Variants in OR10A3 observed in about 807,000 individuals in gnomAD.
OR10A3 encodes olfactory receptor 10A3.
OR10A3 carries 1 observed loss-of-function variant against 1.5 expected under a neutral mutation model. That is an observed-to-expected ratio of 0.66 (90% CI 0.23 to 3.11). The LOEUF (loss-of-function observed/expected upper bound fraction) is 3.11, where lower values mean the gene tolerates loss of function less well. Among genes scored for constraint, OR10A3 ranks in the 30% most tolerant of loss-of-function variants. The pLI is 0.21. For synonymous variants in OR10A3, 145 were observed against 143.7 expected (o/e 1.01, Z -0.06); for missense variants, 398 against 369.7 (o/e 1.08, Z -0.63).
At position 7,939,448 on chromosome 11, in the gene OR10A3, C is replaced by T. The variant is rs539222840; in HGVS notation, c.73G>A (p.Val25Met). 1.6e-5 allele frequency: 26 copies of T among 1,603,240 alleles called. No homozygotes were observed. Among genetic ancestry groups the T allele is most frequent in the Non-Finnish European group, 1.8e-5 (21 of 1,177,468 alleles). The change falls in exon 2 of 2, where the codon GTG becomes ATG. Residue 25 changes from valine to methionine, a missense_variant. Transcript: ENST00000642047. ...LGFSNFPELQ[V>M]QLFGVFLVIY... The stretch of plus-strand genomic sequence containing the variant: ...ACTAGGAAAACCCCAAAGAGCTGCA[C>T]CTGGAGCTCAGGAAAGTTAGAAAAG...
rs1441020252 is a variant in OR10A3 at position 7,937,494 on chromosome 11, C to G, written c.*1082G>C. 2 of 152,164 alleles carry G rather than the reference C, an allele frequency of 1.3e-5. No individual in the cohort carries two copies. Among genetic ancestry groups the G allele is most frequent in the Non-Finnish European group, 2.9e-5 (2 of 68,022 alleles). The allele number at this position is 152,164 out of a possible 1,614,324, so 9.4% of individuals were successfully genotyped here. ...GTTCCAAGATTTTACTTTCCTGTCACAGACTACAAAAGGAAACTTCATAAA... is the reference window on the plus strand; with the variant it reads ...GTTCCAAGATTTTACTTTCCTGTCAGAGACTACAAAAGGAAACTTCATAAA... On this transcript the variant is annotated 3_prime_UTR_variant, in exon 2 of 2. Coordinates refer to ENST00000642047, the MANE Select transcript of OR10A3 (RefSeq NM_001003745.2).
chr11:7,939,682 G>A lies in OR10A3; in HGVS notation c.-162C>T. 1.9e-6 allele frequency: 1 copy of A among 535,836 alleles called. No individual in the cohort carries two copies. Among genetic ancestry groups the A allele is most frequent in the Non-Finnish European group, 3.2e-6 (1 of 308,114 alleles). 33.2% of individuals were successfully genotyped at this position (535,836 alleles called of 1,614,324 possible). On this transcript the variant is annotated 5_prime_UTR_variant, in exon 2 of 2. Transcript: ENST00000642047. ...TTGGCACTTTTGAAGAATGGCCAAT[G>A]ACTTGTAATAGTGAATCTTTAAAAT...
rs992143099 is a variant in OR10A3 at position 7,937,259 on chromosome 11, C to T, written c.*1317G>A. ...TAATATACACAAATTATAATGACAC[C>T]CCTTCATTTAGCAGAATATGTATAT... is the stretch of plus-strand genomic sequence containing the variant. On this transcript the variant is annotated 3_prime_UTR_variant, in exon 2 of 2. Transcript: ENST00000642047. 3 of 152,032 alleles carry T rather than the reference C, an allele frequency of 2.0e-5. No homozygotes were observed. Among genetic ancestry groups the T allele is most frequent in the Admixed American group, 2.0e-4 (3 of 15,256 alleles). 9.4% of individuals were successfully genotyped at this position (152,032 alleles called of 1,614,324 possible). A position where few individuals can be genotyped will look rare whatever the true frequency, so the allele number is the denominator to read the frequency against.
chr11:7,938,809 A>C lies in OR10A3; in HGVS notation c.712T>G (p.Phe238Val), dbSNP rs570199493. 8.7e-6 allele frequency: 14 copies of C among 1,614,176 alleles called. No individual in the cohort carries two copies. Among genetic ancestry groups the C allele is most frequent in the Middle Eastern group, 1.6e-4 (1 of 6,062 alleles). Residue 238 changes from phenylalanine to valine, a missense_variant, in exon 2 of 2, where the codon TTT becomes GTT. Transcript: ENST00000642047. ...GTGAGGTGAGAGGCACAGGTGGAAA[A>C]GGCCTTTTGTCTCCCAGTAGTTGAT... ...MPSTTGRQKA[F>V]STCASHLTSV...
Position 7,937,177 on chromosome 11 carries a change from A to G in OR10A3, c.*1399T>C, listed in dbSNP as rs559171872. 6.6e-6 allele frequency: 1 copy of G among 152,330 alleles called. No individual in the cohort carries two copies. The highest frequency in any genetic ancestry group is 2.1e-4 in the South Asian group (1 of 4,818). 9.4% of individuals were successfully genotyped at this position (152,330 alleles called of 1,614,324 possible). On this transcript the variant is annotated 3_prime_UTR_variant, in exon 2 of 2. Transcript: ENST00000642047. ...GTAGGGATTTGTTTAACAATTATAA[A>G]CCTAAAACCAGTTTAAATAGACACA... is the stretch of plus-strand genomic sequence containing the variant.
chr11:7,937,622 A>C lies in OR10A3; in HGVS notation c.*954T>G, dbSNP rs1487841565. The stretch of plus-strand genomic sequence containing the variant: ...CTCTCTGGTCACCAACATTGGATAA[A>C]TATTTGGAAAGATACCAAGAGAAAT... On this transcript the variant is annotated 3_prime_UTR_variant, in exon 2 of 2. Transcript: ENST00000642047. 6.6e-6 allele frequency: 1 copy of C among 152,222 alleles called. No homozygotes were observed. The allele number at this position is 152,222 out of a possible 1,614,324, so 9.4% of individuals were successfully genotyped here. A position where few individuals can be genotyped will look rare whatever the true frequency, so the allele number is the denominator to read the frequency against.
chr11:7,939,608 A>C lies in OR10A3; in HGVS notation c.-88T>G. 1 of 1,016,692 alleles carries C rather than the reference A, an allele frequency of 9.8e-7. No homozygotes were observed. The highest frequency in any genetic ancestry group is 2.0e-5 in the South Asian group (1 of 50,572). The allele number at this position is 1,016,692 out of a possible 1,614,324, so 63.0% of individuals were successfully genotyped here. The stretch of plus-strand genomic sequence containing the variant: ...CCATAGCTGTGAGTTCAAGTCTGGA[A>C]TTCTTGACAGCAGATGTAATGACAA... On this transcript the variant is annotated 5_prime_UTR_variant, in exon 2 of 2. Coordinates refer to ENST00000642047, the MANE Select transcript of OR10A3 (RefSeq NM_001003745.2).
rs761679596 is a variant in OR10A3, at chr11:7,938,828, A to G, written c.693T>C (p.Thr231=). The G allele has an allele frequency of 8.7e-6, 14 of 1,614,094 alleles. No individual in the cohort carries two copies. Among genetic ancestry groups the G allele is most frequent in the Admixed American group, 3.3e-5 (2 of 60,010 alleles). The change falls in exon 2 of 2, where the codon ACT becomes ACC. Residue 231 remains threonine (T), a synonymous_variant. Transcript: ENST00000642047. ...TGGAAAAGGCCTTTTGTCTCCCAGT[A>G]GTTGATGGCATCTTCAGGATGGCAA... ...VLFAILKMPS[T]TGRQKAFSTC...
intron 1 of OR10A3, among the ~76,000 whole-genome samples, chr11:7,940,421 C>T (rs1227257742): frequency 1.3e-5 from 2 of 152,124 alleles, no homozygotes; most frequent in East Asian, 3.9e-4. Flanking sequence ...GTCCTCCTGG[C>T]CTCACGAGTC....
rs886404689 is a variant in OR10A3 at position 7,938,524 on chromosome 11, A to T, written c.*52T>A. 10 of 1,349,068 alleles carry T rather than the reference A, an allele frequency of 7.4e-6. No homozygotes were observed. The highest frequency in any genetic ancestry group is 9.2e-6 in the Non-Finnish European group (9 of 979,558). 83.6% of individuals were successfully genotyped at this position (1,349,068 alleles called of 1,614,324 possible). A position where few individuals can be genotyped will look rare whatever the true frequency, so the allele number is the denominator to read the frequency against. ...TCTGTTTTCACCCTTTATTAAATTT[A>T]AATAGAGTTCACTCAGGCAGTGGCC... On this transcript the variant is annotated 3_prime_UTR_variant, in exon 2 of 2. Coordinates refer to ENST00000642047, the MANE Select transcript of OR10A3 (RefSeq NM_001003745.2).
At position 7,939,129 on chromosome 11, in the gene OR10A3, T is replaced by C; in HGVS notation, c.392A>G (p.Asn131Ser). ...DRFAAICHPL[N>S]YPVIMNRGVF... ...CCCTCTGTTCATAATCACTGGGTAG[T>C]TCAGAGGATGGCAAATTGCAGCAAA... The change falls in exon 2 of 2, where the codon AAC becomes AGC. Residue 131 changes from asparagine (N) to serine (S), a missense_variant. Physicochemically the swap from Asn to Ser is conservative, Grantham distance 46. Coordinates refer to ENST00000642047, the MANE Select transcript of OR10A3 (RefSeq NM_001003745.2). 1 of 1,614,154 alleles carries C rather than the reference T, an allele frequency of 6.2e-7. No individual in the cohort carries two copies. The highest frequency in any genetic ancestry group is 8.5e-7 in the Non-Finnish European group (1 of 1,180,030).
chr11:7,939,898 A>T (rs143168441), intron 1 of OR10A3, among the ~76,000 whole-genome samples, 200 bp from the exon 2 acceptor site: 4 of 152,124 alleles, frequency 2.6e-5, no homozygotes, highest in Non-Finnish European at 5.9e-5. Flanking sequence ...GCAGGAGCCT[A>T]TACCTCTTCC....
At chr11:7,941,055 A>T (rs1941435734) in intron 1 of OR10A3, among the ~76,000 whole-genome samples, 1 of 152,168 alleles carries the variant, frequency 6.6e-6, no homozygotes, top group African/African-American at 2.4e-5. Flanking sequence ...CTATAACAAA[A>T]TTTTTTGGAT....
intron 1 of OR10A3, among the ~76,000 whole-genome samples, chr11:7,941,087 A>G (rs1941436239): frequency 6.6e-6 from 1 of 151,848 alleles, no homozygotes; most frequent in Non-Finnish European, 1.5e-5. Flanking sequence ...CCTAAAATAG[A>G]CTTGGCAGGA....
Position 7,937,396 on chromosome 11 carries a change from C to G in OR10A3, c.*1180G>C, listed in dbSNP as rs576698876. On this transcript the variant is annotated 3_prime_UTR_variant, in exon 2 of 2. Coordinates refer to ENST00000642047, the MANE Select transcript of OR10A3 (RefSeq NM_001003745.2). ...TATCTTGTAGCTATCTATTTAGGAACAAAAGGAAAGGCAATTTTTTTGCCT... is the reference window on the plus strand; with the variant it reads ...TATCTTGTAGCTATCTATTTAGGAAGAAAAGGAAAGGCAATTTTTTTGCCT... 6.6e-6 allele frequency: 1 copy of G among 152,086 alleles called. No individual in the cohort carries two copies. Among genetic ancestry groups the G allele is most frequent in the Non-Finnish European group, 1.5e-5 (1 of 68,020 alleles). 9.4% of individuals were successfully genotyped at this position (152,086 alleles called of 1,614,324 possible).
chr11:7,938,547 G>C lies in OR10A3; in HGVS notation c.*29C>G. 6.5e-7 allele frequency: 1 copy of C among 1,534,710 alleles called. No individual in the cohort carries two copies. The highest frequency in any genetic ancestry group is 8.9e-7 in the Non-Finnish European group (1 of 1,129,510). On this transcript the variant is annotated 3_prime_UTR_variant, in exon 2 of 2. Coordinates refer to ENST00000642047, the MANE Select transcript of OR10A3 (RefSeq NM_001003745.2). ...TTAAATAGAGTTCACTCAGGCAGTG[G>C]CCAAATCTTACTCAGCTTCTCAACA...
In OR10A3 at chr11:7,938,927, A is replaced by C. The variant is rs762620661; in HGVS notation, c.594T>G (p.Tyr198Ter). 1 of 1,614,208 alleles carries C rather than the reference A, an allele frequency of 6.2e-7. No homozygotes were observed. Among genetic ancestry groups the C allele is most frequent in the South Asian group, 1.1e-5 (1 of 91,076 alleles). ...VCADTFLFEI[Y>*]AFTGTILIVM... ...CAATCAAAATGGTGCCTGTGAAGGCATAGATTTCAAATAAGAAGGTGTCTG... is the reference window on the plus strand; with the variant it reads ...CAATCAAAATGGTGCCTGTGAAGGCCTAGATTTCAAATAAGAAGGTGTCTG... The change falls in exon 2 of 2, where the codon TAT becomes TAG. Residue 198 changes from tyrosine to a stop codon, truncating the protein, a stop_gained. Coordinates refer to ENST00000642047, the MANE Select transcript of OR10A3 (RefSeq NM_001003745.2). LOFTEE classifies it high-confidence loss of function.
intron 1 of OR10A3, among the ~76,000 whole-genome samples, chr11:7,940,086 C>A (rs1054668600): frequency 6.6e-6 from 1 of 152,200 alleles, no homozygotes; most frequent in South Asian, 2.1e-4. Context: ...AGAATGATCC[C>A]TTCTGGCTCT....
In OR10A3 at chr11:7,938,133, G is replaced by A. The variant is rs11041677; in HGVS notation, c.*443C>T. 21,730 of 158,012 alleles carry A rather than the reference G, an allele frequency of 0.14. 1,585 individuals carry two copies. The highest frequency in any genetic ancestry group is 0.16 in the Non-Finnish European group (11,565 of 71,810). The allele number at this position is 158,012 out of a possible 1,614,324, so 9.8% of individuals were successfully genotyped here. On this transcript the variant is annotated 3_prime_UTR_variant, in exon 2 of 2. Transcript: ENST00000642047. Reference sequence around the variant, plus strand: ...AGCCTGACCAGCATGGTGAAACCCCGTCTCTACTAAAAATACAAAAATTAG... The same window carrying A: ...AGCCTGACCAGCATGGTGAAACCCCATCTCTACTAAAAATACAAAAATTAG...
Sources: allele counts gnomAD v4.1 joint callset (sites outside exome capture counted in the v4.1 genomes callset), GRCh38; gene constraint gnomAD v4.1.1; transcripts MANE v1.5; gene names NCBI Gene and HGNC (gene_info 2026-07-23, HGNC 2026-07-21).